FBXO4: variants seen among roughly 807,000 people sequenced by gnomAD.
FBXO4 encodes the protein F-box protein 4.
Under a neutral mutation model 43.7 loss-of-function variants are expected in FBXO4, and 36 were observed. The observed-to-expected ratio is 0.82, with a 90% confidence interval of 0.63 to 1.09. FBXO4 has a LOEUF of 1.09. FBXO4 is among the 50% of genes least tolerant of loss of function. The pLI is 0.00. For missense variants in FBXO4, 435 were observed against 474.1 expected (o/e 0.92, Z 0.77); for synonymous variants, 180 against 165.6 (o/e 1.09, Z -0.67).
At chr5:41,963,840 C>T in the FBXO4 span, 629 of 152,160 alleles carry the variant, frequency 4.1e-3, 3 homozygotes, top group African/African-American at 0.015. Flanking sequence ...CACAGGTCAA[C>T]TGTAATGAAA....
chr5:41,955,908 A>C, the FBXO4 span, among the ~76,000 whole-genome samples: 1 of 152,122 alleles, frequency 6.6e-6, no homozygotes, highest in Non-Finnish European at 1.5e-5. Flanking sequence ...AGAAAAATCA[A>C]CTCTAGACTC....
the FBXO4 span, among the ~76,000 whole-genome samples, chr5:42,028,743 T>C: frequency 6.6e-6 from 1 of 151,888 alleles, no homozygotes; most frequent in Non-Finnish European, 1.5e-5. Flanking sequence ...AATACTATCT[T>C]ATAACCCATT....
the FBXO4 span, among the ~76,000 whole-genome samples, chr5:41,985,756 A>G: frequency 7.3e-3 from 1,109 of 152,262 alleles, 6 homozygotes; most frequent in Middle Eastern, 0.024. Flanking sequence ...CTGAAAACTA[A>G]CCCAGCTCAT....
chr5:41,956,856 G>C, the FBXO4 span, among the ~76,000 whole-genome samples: 1 of 151,730 alleles, frequency 6.6e-6, no homozygotes, highest in Non-Finnish European at 1.5e-5. Context: ...GGGATTACAG[G>C]CACACACCAC....
At chr5:41,938,698 A>G (rs1423253896) in intron 5 of FBXO4, among the ~76,000 whole-genome samples, 1 of 151,992 alleles carries the variant, frequency 6.6e-6, no homozygotes, top group Non-Finnish European at 1.5e-5. Context: ...CCTTTTCTGG[A>G]GGCTCTGGGA....
At chr5:41,953,000 TTTC>T in the FBXO4 span, among the ~76,000 whole-genome samples, 430 of 152,174 alleles carry the variant, frequency 2.8e-3, 3 homozygotes, top group Non-Finnish European at 4.7e-3. Flanking sequence ...ATTTTTTCTT[TTTC>T]TTCTTATTAT....
chr5:41,964,763 A>T, the FBXO4 span, among the ~76,000 whole-genome samples: 3 of 151,884 alleles, frequency 2.0e-5, no homozygotes, highest in East Asian at 5.8e-4. Context: ...GTTGGAGTTC[A>T]TTGTAGGTTC....
the FBXO4 span, chr5:41,968,370 C>A: frequency 6.5e-6 from 1 of 153,494 alleles, no homozygotes; most frequent in South Asian, 1.8e-4. Flanking sequence ...AGCCATAGCC[C>A]GCGCCGGTGC....
chr5:42,006,141 G>C, the FBXO4 span, among the ~76,000 whole-genome samples: 1 of 152,044 alleles, frequency 6.6e-6, no homozygotes, highest in Admixed American at 6.6e-5. Flanking sequence ...CACTGCCTGA[G>C]TTTTCATAAA....
chr5:41,956,213 T>C, the FBXO4 span, among the ~76,000 whole-genome samples: 1 of 152,172 alleles, frequency 6.6e-6, no homozygotes, highest in South Asian at 2.1e-4. Flanking sequence ...ACACCCTATG[T>C]TCAAGAAGCT....
the FBXO4 span, among the ~76,000 whole-genome samples, chr5:42,036,487 G>A: frequency 0.085 from 12,859 of 152,096 alleles, 745 homozygotes; most frequent in East Asian, 0.16. Flanking sequence ...AAAACGGGTC[G>A]TTAGCTCTTG....
the FBXO4 span, among the ~76,000 whole-genome samples, chr5:42,002,494 T>C: frequency 4.6e-5 from 7 of 152,230 alleles, no homozygotes; most frequent in East Asian, 3.8e-4. Context: ...ACATTTCCTT[T>C]TATGATTGCC....
the FBXO4 span, among the ~76,000 whole-genome samples, chr5:42,011,144 C>A: frequency 6.6e-6 from 1 of 152,140 alleles, no homozygotes; most frequent in Non-Finnish European, 1.5e-5. Context: ...TCTTCATCTG[C>A]AAACTTGCTG....
At chr5:41,971,915 A>T in the FBXO4 span, among the ~76,000 whole-genome samples, 11,435 of 152,104 alleles carry the variant, frequency 0.075, 525 homozygotes, top group African/African-American at 0.12. Context: ...CAAAGCCTAG[A>T]TCATAATTTC....
the FBXO4 span, among the ~76,000 whole-genome samples, chr5:42,002,823 G>A: frequency 9.9e-5 from 15 of 152,188 alleles, 3 homozygotes; most frequent in African/African-American, 3.4e-4. Flanking sequence ...TAAATGAATA[G>A]GCTCAGATAA....
intron 4 of FBXO4, 37 bp from the exon 5 acceptor site, chr5:41,934,096 G>T (rs773239522): frequency 1.2e-6 from 2 of 1,612,488 alleles, no homozygotes; most frequent in African/African-American, 2.7e-5. Flanking sequence ...CCTGTTTAGT[G>T]TCTTTTTATA....
At chr5:41,967,199 C>CT in the FBXO4 span, 78,825 of 470,400 alleles carry the variant, frequency 0.17, 5,685 homozygotes, top group Middle Eastern at 0.3. Context: ...AGCCTCAGCA[C>CT]TTTTTTTTTG....
the FBXO4 span, among the ~76,000 whole-genome samples, chr5:42,032,057 CTGTGTGTGTGTGTGTG>C: frequency 3.7e-4 from 52 of 139,326 alleles, no homozygotes; most frequent in Admixed American, 1.0e-3. Flanking sequence ...GTCTTTTTTT[CTGTGTGTGTGTGTGTG>C]TGTGTGTGTG....
the FBXO4 span, among the ~76,000 whole-genome samples, chr5:42,006,569 A>AG: frequency 6.6e-6 from 1 of 152,016 alleles, no homozygotes; most frequent in African/African-American, 2.4e-5. Flanking sequence ...ACATTTAAAA[A>AG]GTCAATTTTT....
Sources: gnomAD v4.1 joint callset for allele counts (sites outside exome capture counted in the v4.1 genomes callset) on GRCh38, gnomAD v4.1.1 for gene constraint, MANE v1.5 for transcripts, NCBI Gene and HGNC (gene_info 2026-07-23, HGNC 2026-07-21) for gene names.